ST3GAL5: variants seen among roughly 807,000 people sequenced by gnomAD.
ST3GAL5 encodes ST3 beta-galactoside alpha-2,3-sialyltransferase 5, also known as lactosylceramide alpha-2,3-sialyltransferase.
Under a neutral mutation model 46.1 loss-of-function variants are expected in ST3GAL5, and 25 were observed. The observed-to-expected ratio is 0.54, with a 90% CI of 0.40 to 0.76. The LOEUF is 0.76. Ranked by LOEUF, ST3GAL5 falls within the 30% of genes least tolerant of loss-of-function variation. ST3GAL5 has a pLI of 0.00. For synonymous variants in ST3GAL5, 182 were observed against 192.7 expected (o/e 0.94, Z 0.46); for missense variants, 431 against 521.2 (o/e 0.83, Z 1.69).
chr2:85,880,765 A>G lies in ST3GAL5; in HGVS notation c.82+8059T>C, dbSNP rs1041635073. The G allele has an allele frequency of 2.0e-5, 9 of 447,468 alleles. No individual in the cohort carries two copies. The East Asian group carries it at 5.1e-4, about 25-fold the overall frequency. 27.7% of individuals were successfully genotyped at this position (447,468 alleles called of 1,614,324 possible). On this transcript the variant is annotated intron_variant, in intron 1 of 6. Transcript: ENST00000638572. Reference sequence around the variant, plus strand: ...GTTGCTCCTGGGAGGCTGAGGTTGCAGTGAGCCAAGATGGTGCCACTGCAC... The same window carrying G: ...GTTGCTCCTGGGAGGCTGAGGTTGCGGTGAGCCAAGATGGTGCCACTGCAC...
intron 3 of ST3GAL5, chr2:85,853,408 A>G (rs1354277035): frequency 6.4e-6 from 2 of 314,816 alleles, no homozygotes; most frequent in Non-Finnish European, 1.2e-5. Context: ...CAGGGCTGGC[A>G]GGGTCCCACT....
At chr2:85,851,550 A>G in intron 3 of ST3GAL5, 1 of 1,289,354 alleles carries the variant, frequency 7.8e-7, no homozygotes, top group Non-Finnish European at 1.0e-6. Context: ...ACAACCAGAC[A>G]TCATTGTCTT....
intron 1 of ST3GAL5, chr2:85,870,013 A>G (rs1481344413): frequency 5.7e-6 from 2 of 350,920 alleles, no homozygotes; most frequent in Non-Finnish European, 1.1e-5. Context: ...AATTCAATTA[A>G]CTTACATAAT....
chr2:85,879,902 C>T lies in ST3GAL5; in HGVS notation c.82+8922G>A, dbSNP rs142681239. ...GCAATTTCTAAAACAATGAAGATCC[C>T]ACTGCCGCAGAAAGCATAAGGTGAA... On this transcript the variant is annotated intron_variant, in intron 1 of 6. Coordinates refer to ENST00000638572, the MANE Select transcript of ST3GAL5 (RefSeq NM_003896.4). 5.6e-3 allele frequency among the ~76,000 whole-genome samples: 850 copies of T among 152,242 alleles called. 7 individuals are homozygous for T. The highest frequency in any genetic ancestry group is 0.02 in the Middle Eastern group (6 of 294).
chr2:85,880,850 C>T, intron 1 of ST3GAL5: 2 of 510,166 alleles, frequency 3.9e-6, no homozygotes, highest in South Asian at 1.5e-5. Context: ...CTCTCATAAT[C>T]TCATTTTAAA....
At chr2:85,851,440 A>C (rs1683492489) in intron 3 of ST3GAL5, 1 of 1,225,738 alleles carries the variant, frequency 8.2e-7, no homozygotes, top group Non-Finnish European at 1.0e-6. Context: ...TTCTGTAGAG[A>C]GCTCACACAG....
At chr2:85,883,478 G>A (rs1266658535) in intron 1 of ST3GAL5, among the ~76,000 whole-genome samples, 1 of 152,176 alleles carries the variant, frequency 6.6e-6, no homozygotes, top group Non-Finnish European at 1.5e-5. Context: ...CTCTTTATCA[G>A]CAGTGTGAAA....
chr2:85,863,516 A>G, intron 1 of ST3GAL5, 31 bp from the exon 2 acceptor site: 1 of 1,611,702 alleles, frequency 6.2e-7, no homozygotes, highest in South Asian at 1.1e-5. Flanking sequence ...GGCAGTGGGG[A>G]AAAAGAGAGG....
chr2:85,853,227 T>G, intron 3 of ST3GAL5: 1 of 472,228 alleles, frequency 2.1e-6, no homozygotes, highest in Non-Finnish European at 3.6e-6. Context: ...AACCACACTT[T>G]CAAAGTGTCC....
intron 6 of ST3GAL5, 126 bp downstream of exon 6, chr2:85,844,270 G>A (rs2280316): frequency 3.3e-6 from 4 of 1,196,160 alleles, no homozygotes; most frequent in Admixed American, 1.9e-5. Flanking sequence ...CACACATGGA[G>A]CATCTAATCA....
intron 3 of ST3GAL5, 166 bp from the exon 4 acceptor site, chr2:85,848,370 T>G (rs1683077629): frequency 2.8e-5 from 43 of 1,554,110 alleles, no homozygotes; most frequent in Non-Finnish European, 3.7e-5. Context: ...CTCAGAAACT[T>G]GAAGAAACAA....
chr2:85,848,537 T>G, intron 3 of ST3GAL5: 1 of 576,288 alleles, frequency 1.7e-6, no homozygotes. Context: ...GACTTCATGT[T>G]TCATAAAATT....
chr2:85,850,326 C>A (rs542523412), intron 3 of ST3GAL5: 2 of 152,382 alleles, frequency 1.3e-5, no homozygotes, highest in South Asian at 4.1e-4. Context: ...TGAGCTGGCC[C>A]AGCAAACCTG....
intron 2 of ST3GAL5, among the ~76,000 whole-genome samples, chr2:85,861,661 AAAG>A (rs1481380813): frequency 1.5e-4 from 21 of 137,708 alleles, no homozygotes; most frequent in African/African-American, 4.4e-4. Flanking sequence ...AAAAAAAAAA[AAAG>A]AAAAGAAAAG....
intron 6 of ST3GAL5, among the ~76,000 whole-genome samples, chr2:85,844,143 A>G (rs981428502): frequency 6.6e-6 from 1 of 152,196 alleles, no homozygotes; most frequent in Admixed American, 6.5e-5. Flanking sequence ...AGAATACCTT[A>G]AAATAGTATC....
chr2:85,861,645 T>TAAAAAAA (rs3046643), intron 2 of ST3GAL5, among the ~76,000 whole-genome samples: 361 of 122,994 alleles, frequency 2.9e-3, no homozygotes, highest in East Asian at 4.7e-3. Context: ...TGTCAGTCCT[T>TAAAAAAA]AAAAAAAAAA....
In ST3GAL5 at chr2:85,862,426, A is replaced by T. The variant is rs537252020; in HGVS notation, c.206+936T>A. ...TTTGAATTTTCAATCTTGAAAACCT[A>T]ATATTACCTATTCTTCTCTTCAGCC... On this transcript the variant is annotated intron_variant, in intron 2 of 6. Transcript: ENST00000638572. Among the ~76,000 whole-genome samples the T allele has an allele frequency of 5.9e-5, 9 of 152,242 alleles. No homozygotes were observed. The East Asian group carries it at 1.7e-3, about 29-fold the overall frequency.
intron 1 of ST3GAL5, chr2:85,870,125 C>T (rs1310445521): frequency 2.2e-6 from 1 of 451,206 alleles, no homozygotes; most frequent in East Asian, 7.2e-5. Flanking sequence ...TTCTTTATAA[C>T]ACTAATCATG....
At position 85,837,676 on chromosome 2, in the gene ST3GAL5, A is replaced by G. The variant is rs1273894531; in HGVS notation, c.*2468T>C. 6.6e-6 allele frequency: 1 copy of G among 152,216 alleles called. No individual in the cohort carries two copies. The highest frequency in any genetic ancestry group is 2.4e-5 in the African/African-American group (1 of 41,452). The allele number at this position is 152,216 out of a possible 1,614,324, so 9.4% of individuals were successfully genotyped here. Reference sequence around the variant, plus strand: ...TTACACAAATGTATTACATTATCACATGGACCCTCAAAATATGCACATCAC... The same window carrying G: ...TTACACAAATGTATTACATTATCACGTGGACCCTCAAAATATGCACATCAC... On this transcript the variant is annotated 3_prime_UTR_variant, in exon 7 of 7. Transcript: ENST00000638572.
Sources: allele counts gnomAD v4.1 joint callset (sites outside exome capture counted in the v4.1 genomes callset), GRCh38; gene constraint gnomAD v4.1.1; transcripts MANE v1.5; gene names NCBI Gene and HGNC (gene_info 2026-07-23, HGNC 2026-07-21).